Variants in ARHGAP26 observed in about 807,000 individuals in gnomAD.
ARHGAP26 encodes rho GTPase-activating protein 26.
In ARHGAP26, 38 loss-of-function variants were observed where a neutral mutation model predicts 104.8. The observed-to-expected ratio is 0.36, with a 90% CI of 0.28 to 0.48. ARHGAP26 has a LOEUF of 0.48. Among genes scored for constraint, ARHGAP26 ranks in the 20% least tolerant of loss-of-function variants. The probability of loss-of-function intolerance (pLI) is 0.99; values close to 1 mark genes in which losing one functional copy is unlikely to be tolerated. For synonymous variants in ARHGAP26, 341 were observed against 340.0 expected, an observed-to-expected ratio of 1.00 and a Z score of -0.03; for missense variants, 704 against 947.9, an observed-to-expected ratio of 0.74 and a Z score of 3.38.
At chr5:142,890,136 TAAA>T (rs1162535877) in intron 5 of ARHGAP26, among the ~76,000 whole-genome samples, 68 of 29,180 alleles carry the variant, frequency 2.3e-3, no homozygotes, top group East Asian at 9.6e-3. Flanking sequence ...AACTCCGTCT[TAAA>T]AAAAAAAAAA....
chr5:143,097,101 G>T (rs945489201), intron 17 of ARHGAP26, among the ~76,000 whole-genome samples: 2 of 152,078 alleles, frequency 1.3e-5, no homozygotes, highest in Non-Finnish European at 2.9e-5. Context: ...CTCTTTGGGA[G>T]ACCAATGCGG....
At chr5:142,797,925 G>T (rs11167792) in intron 1 of ARHGAP26, among the ~76,000 whole-genome samples, 46,647 of 152,072 alleles carry the variant, frequency 0.31, 8,818 homozygotes, top group Non-Finnish European at 0.41. Context: ...TCCAGTTGAT[G>T]TTCATGCTGC....
intron 17 of ARHGAP26, among the ~76,000 whole-genome samples, chr5:143,096,909 G>A (rs986362002): frequency 1.3e-5 from 2 of 152,108 alleles, no homozygotes; most frequent in Non-Finnish European, 2.9e-5. Context: ...GCTTTGTATG[G>A]CCTAGAGAAC....
At chr5:142,830,022 A>G (rs1418011670) in intron 1 of ARHGAP26, among the ~76,000 whole-genome samples, 2 of 152,020 alleles carry the variant, frequency 1.3e-5, no homozygotes, top group African/African-American at 4.8e-5. Context: ...GGAAGGGGCA[A>G]TTGGTGTGAG....
At chr5:143,071,275 G>T (rs142215820) in intron 17 of ARHGAP26, among the ~76,000 whole-genome samples, 1 of 152,336 alleles carries the variant, frequency 6.6e-6, no homozygotes, top group East Asian at 1.9e-4. Context: ...CATAAAAGCA[G>T]GCCCATAGAC....
Position 142,901,916 on chromosome 5 carries a change from C to T in ARHGAP26, c.598-19C>T, listed in dbSNP as rs199811506. 70 of 1,609,870 alleles carry T rather than the reference C, an allele frequency of 4.3e-5. 1 individual carries two copies. The highest frequency in any genetic ancestry group is 5.8e-5 in the Non-Finnish European group (68 of 1,176,420). ...TTCAACCTGGTTATGTGACCTTTGCCTTTCTTCCTTCATTACAGCTGCTGG... is the reference window on the plus strand; with the variant it reads ...TTCAACCTGGTTATGTGACCTTTGCTTTTCTTCCTTCATTACAGCTGCTGG... On this transcript the variant is annotated intron_variant, in intron 6 of 22. Transcript: ENST00000645722.
chr5:143,081,868 G>T (rs1332454910), intron 17 of ARHGAP26, among the ~76,000 whole-genome samples: 4 of 152,106 alleles, frequency 2.6e-5, no homozygotes, highest in African/African-American at 9.7e-5. Context: ...AAAAAAATTA[G>T]CCGGGCGTGG....
chr5:143,157,153 T>C (rs1188952852), intron 20 of ARHGAP26, among the ~76,000 whole-genome samples: 1 of 149,748 alleles, frequency 6.7e-6, no homozygotes, highest in East Asian at 2.0e-4. Context: ...TGCTTTGGAC[T>C]AAGTTCAACA....
At chr5:143,143,159 A>G (rs956033678) in intron 19 of ARHGAP26, among the ~76,000 whole-genome samples, 2 of 152,154 alleles carry the variant, frequency 1.3e-5, no homozygotes, top group South Asian at 2.1e-4. Flanking sequence ...AGTCCCATGC[A>G]TGGGGGGAAA....
intron 20 of ARHGAP26, among the ~76,000 whole-genome samples, chr5:143,149,392 C>A (rs899696952): frequency 6.6e-6 from 1 of 152,100 alleles, no homozygotes; most frequent in African/African-American, 2.4e-5. Context: ...CTGATACCAG[C>A]GTCTGCCATG....
At chr5:142,964,809 G>T (rs1256272746) in intron 11 of ARHGAP26, among the ~76,000 whole-genome samples, 2 of 152,138 alleles carry the variant, frequency 1.3e-5, no homozygotes, top group African/African-American at 4.8e-5. Flanking sequence ...GCTTCTCCCT[G>T]TGTGCGGCGA....
intron 19 of ARHGAP26, among the ~76,000 whole-genome samples, chr5:143,144,693 C>T (rs1487987992): frequency 6.6e-6 from 1 of 152,222 alleles, no homozygotes; most frequent in African/African-American, 2.4e-5. Flanking sequence ...CAGGCATGAA[C>T]CACTATGCTT....
intron 11 of ARHGAP26, among the ~76,000 whole-genome samples, chr5:142,957,471 G>T (rs375762709): frequency 6.6e-6 from 1 of 152,088 alleles, no homozygotes; most frequent in Admixed American, 6.6e-5. Context: ...TAAGATATTG[G>T]TCCTCATGTT....
intron 11 of ARHGAP26, among the ~76,000 whole-genome samples, chr5:143,009,955 G>A (rs2152807474): frequency 1.3e-5 from 2 of 151,964 alleles, no homozygotes; most frequent in Admixed American, 1.3e-4. Flanking sequence ...TTGTATTAAG[G>A]TAGATGCTCT....
chr5:143,055,507 C>T (rs191773767), intron 15 of ARHGAP26, among the ~76,000 whole-genome samples: 1 of 152,312 alleles, frequency 6.6e-6, no homozygotes, highest in Non-Finnish European at 1.5e-5. Context: ...TAAACATACT[C>T]ATACCCCAGC....
At chr5:142,865,808 C>T (rs780800318) in intron 1 of ARHGAP26, among the ~76,000 whole-genome samples, 2 of 152,164 alleles carry the variant, frequency 1.3e-5, no homozygotes, top group Non-Finnish European at 2.9e-5. Flanking sequence ...GCATACAGGT[C>T]CTTCCATGGT....
chr5:143,045,307 C>A (rs1784061766), intron 14 of ARHGAP26, among the ~76,000 whole-genome samples: 1 of 152,198 alleles, frequency 6.6e-6, no homozygotes, highest in African/African-American at 2.4e-5. Flanking sequence ...TGAGATCCAA[C>A]CAGAGCTGCA....
At chr5:142,913,600 A>G (rs1298222741) in intron 10 of ARHGAP26, among the ~76,000 whole-genome samples, 1 of 152,206 alleles carries the variant, frequency 6.6e-6, no homozygotes, top group East Asian at 1.9e-4. Context: ...TGTGTGTTAT[A>G]TCTCCAGGAG....
chr5:143,135,651 A>G (rs1012423134), intron 19 of ARHGAP26, among the ~76,000 whole-genome samples: 1 of 152,220 alleles, frequency 6.6e-6, no homozygotes, highest in African/African-American at 2.4e-5. Flanking sequence ...GTACCTTGGT[A>G]TATTTAGCAT....
Sources: gnomAD v4.1 joint callset for allele counts (sites outside exome capture counted in the v4.1 genomes callset) on GRCh38, gnomAD v4.1.1 for gene constraint, MANE v1.5 for transcripts, NCBI Gene and HGNC (gene_info 2026-07-23, HGNC 2026-07-21) for gene names.